The following IL20RB variants were observed in gnomAD, a reference collection of about 807,000 sequenced individuals.
IL20RB encodes interleukin 20 receptor subunit beta.
In IL20RB, 21 loss-of-function variants were observed where a neutral mutation model predicts 33.3. The ratio of observed to expected loss-of-function variants is 0.63; its 90% confidence interval spans 0.45 to 0.91. The LOEUF (loss-of-function observed/expected upper bound fraction) is 0.91. IL20RB is among the 40% of genes least tolerant of loss of function. The pLI is 0.00. For synonymous variants in IL20RB, 147 were observed against 146.8 expected (o/e 1.00, Z -0.01); for missense variants, 345 against 384.8 (o/e 0.90, Z 0.86).
intron 6 of IL20RB, among the ~76,000 whole-genome samples, chr3:137,001,643 G>T (rs909926169): frequency 1.3e-5 from 2 of 152,156 alleles, no homozygotes; most frequent in African/African-American, 4.8e-5. Flanking sequence ...TACTGAGTTT[G>T]TGTTTAATTT....
chr3:136,984,891 C>T (rs1941864110), intron 3 of IL20RB, among the ~76,000 whole-genome samples: 1 of 152,146 alleles, frequency 6.6e-6, no homozygotes, highest in East Asian at 1.9e-4. Flanking sequence ...CACTGCAAAA[C>T]TGCCACTACC....
chr3:136,962,897 A>G (rs1350688172), intron 1 of IL20RB, among the ~76,000 whole-genome samples: 2 of 151,734 alleles, frequency 1.3e-5, no homozygotes, highest in African/African-American at 4.8e-5. Context: ...CATTAGGGGA[A>G]AAACTGATGA....
At chr3:136,987,854 G>A (rs1245551066) in intron 3 of IL20RB, among the ~76,000 whole-genome samples, 1 of 152,154 alleles carries the variant, frequency 6.6e-6, no homozygotes, top group Non-Finnish European at 1.5e-5. Flanking sequence ...CATTGCCGGG[G>A]CCGGCAGGGC....
At chr3:136,962,531 A>G (rs935374733) in intron 1 of IL20RB, among the ~76,000 whole-genome samples, 5 of 152,182 alleles carry the variant, frequency 3.3e-5, no homozygotes, top group African/African-American at 1.2e-4. Flanking sequence ...GGGCAGGTGG[A>G]TCACGAGGTC....
At chr3:136,981,749 A>G (rs1210080820) in intron 2 of IL20RB, among the ~76,000 whole-genome samples, 3 of 152,242 alleles carry the variant, frequency 2.0e-5, no homozygotes, top group Non-Finnish European at 4.4e-5. Flanking sequence ...TTGTAAGACC[A>G]CTGGCAAGAG....
intron 5 of IL20RB, among the ~76,000 whole-genome samples, chr3:136,993,583 A>G (rs532496095): frequency 1.6e-3 from 210 of 134,510 alleles, no homozygotes; most frequent in African/African-American, 5.5e-3. Flanking sequence ...CCCCCACCCC[A>G]TGACCGGCCC....
intron 2 of IL20RB, 48 bp from the exon 3 acceptor site, chr3:136,982,112 C>A: frequency 7.3e-7 from 1 of 1,377,238 alleles, no homozygotes; most frequent in Non-Finnish European, 9.8e-7. Context: ...ATAACTGAGC[C>A]TGTGTCAGAG....
intron 1 of IL20RB, among the ~76,000 whole-genome samples, chr3:136,977,235 C>T (rs891261350): frequency 1.3e-5 from 2 of 152,020 alleles, no homozygotes; most frequent in Admixed American, 6.6e-5. Flanking sequence ...TATTATAGTT[C>T]CTTTGACTTT....
chr3:136,975,374 C>T (rs577626549), intron 1 of IL20RB, among the ~76,000 whole-genome samples: 55 of 152,172 alleles, frequency 3.6e-4, no homozygotes, highest in African/African-American at 1.2e-3. Context: ...GAGTCTCGCT[C>T]TCTTGCCAGG....
intron 1 of IL20RB, among the ~76,000 whole-genome samples, chr3:136,970,136 A>G (rs1330870947): frequency 6.6e-6 from 1 of 151,120 alleles, no homozygotes; most frequent in East Asian, 1.9e-4. Context: ...CTGTCACCCC[A>G]GGCTAGAGTG....
Position 137,000,294 on chromosome 3 carries a change from G to C in IL20RB, c.825+4738G>C, listed in dbSNP as rs374128151. 5.3e-5 allele frequency among the ~76,000 whole-genome samples: 8 copies of C among 152,352 alleles called. No homozygotes were observed. In the East Asian group the frequency reaches 1.5e-3, roughly 29 times the overall value. The stretch of plus-strand genomic sequence containing the variant: ...ACACCTGTACCTCACACAGTTCAAA[G>C]GTCAATCAGATATTTGGGCAGAATT... On this transcript the variant is annotated intron_variant, in intron 6 of 6. Transcript: ENST00000329582.
chr3:136,995,418 G>C lies in IL20RB; in HGVS notation c.687G>C (p.Glu229Asp). ...SQTECVEVQG[E>D]AIPLVLALFA... ...GTTTTTATCTTTTGTTTCCAGGAGA[G>C]GCCATTCCCCTGGTACTGGCCCTGT... is the stretch of plus-strand genomic sequence containing the variant. The change falls in exon 6 of 7, where the codon GAG becomes GAC. Residue 229 changes from glutamate to aspartate, a missense_variant. By Grantham distance (45) the Glu-to-Asp change is conservative. Coordinates refer to ENST00000329582, the MANE Select transcript of IL20RB (RefSeq NM_144717.4). 6.2e-7 allele frequency: 1 copy of C among 1,614,016 alleles called. No individual in the cohort carries two copies. Among genetic ancestry groups the C allele is most frequent in the Non-Finnish European group, 8.5e-7 (1 of 1,179,954 alleles).
At chr3:136,960,658 AT>A (rs1191364184) in intron 1 of IL20RB, among the ~76,000 whole-genome samples, 1 of 152,204 alleles carries the variant, frequency 6.6e-6, no homozygotes, top group East Asian at 1.9e-4. Context: ...CATTCCACAC[AT>A]TAGGGATAGA....
chr3:136,962,828 C>A (rs1577006435), intron 1 of IL20RB, among the ~76,000 whole-genome samples: 1 of 115,302 alleles, frequency 8.7e-6, no homozygotes, highest in African/African-American at 3.4e-5. Context: ...ACTAACTAGA[C>A]ATGACAGCTA....
At chr3:136,995,776 C>G (rs1000944112) in intron 6 of IL20RB, among the ~76,000 whole-genome samples, 1 of 152,208 alleles carries the variant, frequency 6.6e-6, no homozygotes, top group Non-Finnish European at 1.5e-5. Flanking sequence ...AGGCAAGCCA[C>G]TTCTGCTTTC....
At chr3:137,006,489 C>T (rs1942352713) in intron 6 of IL20RB, among the ~76,000 whole-genome samples, 1 of 151,814 alleles carries the variant, frequency 6.6e-6, no homozygotes, top group African/African-American at 2.4e-5. Flanking sequence ...TTTTCTCTAA[C>T]CTTGTTTTCT....
chr3:136,999,475 G>C (rs758824230), intron 6 of IL20RB, among the ~76,000 whole-genome samples: 12 of 151,854 alleles, frequency 7.9e-5, no homozygotes, highest in Non-Finnish European at 1.0e-4. Context: ...CTGGGCTCAA[G>C]TGATATCCTT....
At chr3:136,960,316 T>G (rs1032058665) in intron 1 of IL20RB, among the ~76,000 whole-genome samples, 32 of 151,800 alleles carry the variant, frequency 2.1e-4, no homozygotes, top group Non-Finnish European at 1.5e-5. Flanking sequence ...CCCAGCTAAT[T>G]TTTGTATTTT....
Position 136,989,557 on chromosome 3 carries a change from G to C in IL20RB, c.523G>C (p.Gly175Arg). The stretch of plus-strand genomic sequence containing the variant: ...TGTGGCCTACTGGAGGAGGGAGCCT[G>C]GTGCCGAGGTGAGACTCCAGCCTTG... The part of the protein sequence containing the change: ...FLVAYWRREP[G>R]AEEHVKMVRS... Residue 175 changes from glycine (G) to arginine (R), a missense_variant, in exon 4 of 7, where the codon GGT becomes CGT. By Grantham distance (125) the Gly-to-Arg change is moderately radical. Coordinates refer to ENST00000329582, the MANE Select transcript of IL20RB (RefSeq NM_144717.4). 1.9e-6 allele frequency: 3 copies of C among 1,613,842 alleles called. No homozygotes were observed. Among genetic ancestry groups the C allele is most frequent in the Non-Finnish European group, 2.5e-6 (3 of 1,179,836 alleles).
Sources: gnomAD v4.1 joint callset for allele counts (sites outside exome capture counted in the v4.1 genomes callset) on GRCh38, gnomAD v4.1.1 for gene constraint, MANE v1.5 for transcripts, NCBI Gene and HGNC (gene_info 2026-07-23, HGNC 2026-07-21) for gene names.